The following TADA2A variants were observed in gnomAD, a reference collection of about 807,000 sequenced individuals.
TADA2A encodes transcriptional adaptor 2A.
In TADA2A, 38 loss-of-function variants were observed where a neutral mutation model predicts 67.4. The ratio of observed to expected loss-of-function variants is 0.56; its 90% CI spans 0.44 to 0.74. The LOEUF is 0.74. TADA2A is among the 30% of genes least tolerant of loss of function. The pLI is 0.00. For synonymous variants in TADA2A, 192 were observed against 181.6 expected (o/e 1.06, Z -0.46); for missense variants, 454 against 547.0 (o/e 0.83, Z 1.70).
At chr17:37,473,616 A>G (rs1300260116) in intron 14 of TADA2A, among the ~76,000 whole-genome samples, 3 of 152,188 alleles carry the variant, frequency 2.0e-5, no homozygotes, top group Admixed American at 6.5e-5. Flanking sequence ...AACTCAGTCT[A>G]TCCATTCCCA....
At chr17:37,426,663 CAGAAAAAAAAAAA>C (rs1354441842) in intron 3 of TADA2A, 1 of 97,680 alleles carries the variant, frequency 1.0e-5, no homozygotes, top group South Asian at 2.9e-4. Flanking sequence ...GACTCCGTCT[CAGAAAAAAAAAAA>C]AAAAAAAAAA....
At chr17:37,471,208 A>G in intron 14 of TADA2A, 71 bp downstream of exon 14, 1 of 1,496,800 alleles carries the variant, frequency 6.7e-7, no homozygotes, top group Non-Finnish European at 9.2e-7. Flanking sequence ...GTGACCCAGC[A>G]ATCTTCCTTC....
At chr17:37,429,056 A>AG (rs1464257767) in intron 4 of TADA2A, among the ~76,000 whole-genome samples, 1 of 151,560 alleles carries the variant, frequency 6.6e-6, no homozygotes, top group Non-Finnish European at 1.5e-5. Context: ...AAAAAAAAAA[A>AG]AAAAAGAAAA....
intron 9 of TADA2A, 50 bp downstream of exon 9, chr17:37,458,637 T>TTG (rs55935249): frequency 0.011 from 10,578 of 979,652 alleles, 35 homozygotes; most frequent in South Asian, 0.014. Context: ...GATTATTGTT[T>TTG]TGTGTGTGTG....
chr17:37,416,684 G>A (rs2052058439), intron 2 of TADA2A, among the ~76,000 whole-genome samples: 1 of 152,074 alleles, frequency 6.6e-6, no homozygotes. Flanking sequence ...GGCCAACATG[G>A]TGAAACGCCA....
intron 10 of TADA2A, among the ~76,000 whole-genome samples, chr17:37,463,947 C>A (rs759070963): frequency 6.6e-6 from 1 of 151,318 alleles, no homozygotes; most frequent in Non-Finnish European, 1.5e-5. Flanking sequence ...AGCGAGACTC[C>A]GTCTCAAAAA....
chr17:37,427,014 T>C lies in TADA2A; in HGVS notation c.192+5T>C. The C allele has an allele frequency of 6.4e-7, 1 of 1,573,460 alleles. No individual in the cohort carries two copies. Among genetic ancestry groups the C allele is most frequent in the Non-Finnish European group, 8.6e-7 (1 of 1,158,468 alleles). ...GATCATACTTATGAAATAATGGTAA[T>C]GATGAAGTTGCTGGGAATTTCTGTT... On this transcript the variant is annotated splice_donor_5th_base_variant and intron_variant, in intron 4 of 15. Coordinates refer to ENST00000615182, the MANE Select transcript of TADA2A (RefSeq NM_001166105.3).
rs1177852667 is a variant in TADA2A at position 37,440,837 on chromosome 17, G to T, written c.442+175G>T. Among the ~76,000 whole-genome samples, 3 of 152,220 alleles carry T rather than the reference G, an allele frequency of 2.0e-5. No individual in the cohort carries two copies. In the East Asian group the frequency reaches 5.8e-4, roughly 29 times the overall value. ...CGACCCAGCATGGTGGCTTGTGCCT[G>T]TAATCCCAGCACCTTGGGAGGCTGA... On this transcript the variant is annotated intron_variant, in intron 6 of 15. Coordinates refer to ENST00000615182, the MANE Select transcript of TADA2A (RefSeq NM_001166105.3).
At chr17:37,433,373 A>G (rs563071870) in intron 4 of TADA2A, among the ~76,000 whole-genome samples, 1 of 152,238 alleles carries the variant, frequency 6.6e-6, no homozygotes, top group Non-Finnish European at 1.5e-5. Context: ...AGAAATGAAC[A>G]TTGGCCGGGT....
chr17:37,455,264 G>A (rs887874844), intron 8 of TADA2A, among the ~76,000 whole-genome samples: 2 of 149,586 alleles, frequency 1.3e-5, no homozygotes, highest in Admixed American at 6.7e-5. Flanking sequence ...TTCTTCTAGC[G>A]TTGTTACTAT....
chr17:37,457,491 CTTTTTTTTTTT>C (rs71135729), intron 8 of TADA2A, among the ~76,000 whole-genome samples: 2 of 72,398 alleles, frequency 2.8e-5, no homozygotes, highest in Non-Finnish European at 4.8e-5. Flanking sequence ...AACATTAATT[CTTTTTTTTTTT>C]TTTTTTTTTT....
In TADA2A at chr17:37,426,986, A is replaced by C. The variant is rs750222887; in HGVS notation, c.169A>C (p.Ser57Arg). The C allele has an allele frequency of 6.3e-7, 1 of 1,596,260 alleles. No homozygotes were observed. Among genetic ancestry groups the C allele is most frequent in the Admixed American group, 1.8e-5 (1 of 56,638 alleles). ...AGGCTTTGAGTACAAGAAACATCAAAGCGATCATACTTATGAAATAATGGT... is the reference window on the plus strand; with the variant it reads ...AGGCTTTGAGTACAAGAAACATCAACGCGATCATACTTATGAAATAATGGT... ...TRGFEYKKHQ[S>R]DHTYEIMTSD... is the part of the protein sequence containing the mutation. The change falls in exon 4 of 16, where the codon AGC becomes CGC. Residue 57 changes from serine (S) to arginine (R), a missense_variant. This residue lies in a region of TADA2A where 403 missense variants were observed against 455.5 expected (regional missense o/e 0.88). Coordinates refer to ENST00000615182, the MANE Select transcript of TADA2A (RefSeq NM_001166105.3).
Position 37,446,096 on chromosome 17 carries a change from TGG to T in TADA2A, c.604+1334_604+1335del, listed in dbSNP as rs5820217. Among the ~76,000 whole-genome samples the T allele has an allele frequency of 1.4e-4, 17 of 119,414 alleles. 1 individual carries two copies. Among genetic ancestry groups the T allele is most frequent in the South Asian group, 1.3e-3 (5 of 3,766 alleles). 78.3% of individuals were successfully genotyped at this position (119,414 alleles called of 152,430 possible). On this transcript the variant is annotated intron_variant, in intron 8 of 15. Transcript: ENST00000615182. ...ATTTCTTGAGCGGTGGGTTTTTTTT[TGG>T]GGGGGTTTTTTTTTTTTTTTTGGCA...
intron 8 of TADA2A, among the ~76,000 whole-genome samples, chr17:37,445,408 G>C (rs1259258990): frequency 2.0e-5 from 3 of 152,214 alleles, no homozygotes; most frequent in Non-Finnish European, 4.4e-5. Context: ...TGGGATTACA[G>C]GTGTTTGCCA....
intron 4 of TADA2A, among the ~76,000 whole-genome samples, chr17:37,433,514 G>A (rs2052632290): frequency 1.3e-5 from 2 of 151,820 alleles, no homozygotes; most frequent in African/African-American, 4.8e-5. Context: ...TAAAAATTAG[G>A]TGGGTGTGGT....
intron 8 of TADA2A, 26 bp from the exon 9 acceptor site, chr17:37,458,498 T>G: frequency 6.5e-7 from 1 of 1,538,540 alleles, no homozygotes; most frequent in Non-Finnish European, 8.9e-7. Context: ...TATGTATATA[T>G]AGTATATGTA....
chr17:37,454,852 C>A (rs561885926), intron 8 of TADA2A: 1 of 225,684 alleles, frequency 4.4e-6, no homozygotes. Flanking sequence ...CTGAAAAGAC[C>A]GCAATGGCTG....
At chr17:37,435,915 A>C (rs1458182427) in intron 4 of TADA2A, among the ~76,000 whole-genome samples, 1 of 151,442 alleles carries the variant, frequency 6.6e-6, no homozygotes, top group Non-Finnish European at 1.5e-5. Context: ...GGGTTTCACT[A>C]TGTTGCCCAG....
chr17:37,478,101 A>C lies in TADA2A; in HGVS notation c.*1119A>C, dbSNP rs1359673786. The C allele has an allele frequency of 6.7e-6, 1 of 149,290 alleles. No individual in the cohort carries two copies. The highest frequency in any genetic ancestry group is 2.5e-5 in the African/African-American group (1 of 40,112). 9.2% of individuals were successfully genotyped at this position (149,290 alleles called of 1,614,324 possible). On this transcript the variant is annotated 3_prime_UTR_variant, in exon 16 of 16. Coordinates refer to ENST00000615182, the MANE Select transcript of TADA2A (RefSeq NM_001166105.3). ...CCACTGTGCTCCAGCCTGGGCAACA[A>C]AGTGAGACTCTGTCTCAAAAAAAAA...
Sources: gnomAD v4.1 joint callset for allele counts (sites outside exome capture counted in the v4.1 genomes callset) on GRCh38, gnomAD v4.1.1 for gene constraint, gnomAD v4.1.1 regional missense constraint, MANE v1.5 for transcripts, NCBI Gene and HGNC (gene_info 2026-07-23, HGNC 2026-07-21) for gene names.